SEZ6L: variants seen among roughly 807,000 people sequenced by gnomAD.
SEZ6L encodes seizure related 6 homolog like.
SEZ6L carries 37 observed loss-of-function variants against 106.2 expected under a neutral mutation model. The ratio of observed to expected loss-of-function variants is 0.35; its 90% CI spans 0.27 to 0.46. The LOEUF is 0.46. Among genes scored for constraint, SEZ6L ranks in the 20% least tolerant of loss-of-function variants. The probability of loss-of-function intolerance (pLI) is 1.00; values close to 1 mark genes in which losing one functional copy is unlikely to be tolerated. For synonymous variants in SEZ6L, 541 were observed against 570.4 expected, an observed-to-expected ratio of 0.95 and a Z score of 0.73; for missense variants, 1,172 against 1,332.8, an observed-to-expected ratio of 0.88 and a Z score of 1.88.
intron 1 of SEZ6L, among the ~76,000 whole-genome samples, chr22:26,270,303 C>G (rs1486167523): frequency 6.6e-6 from 1 of 152,144 alleles, no homozygotes; most frequent in Non-Finnish European, 1.5e-5. Context: ...TAACACTAGA[C>G]AAGTCACCTT....
intron 11 of SEZ6L, among the ~76,000 whole-genome samples, chr22:26,349,333 A>G (rs917452003): frequency 2.0e-5 from 3 of 152,250 alleles, no homozygotes; most frequent in South Asian, 2.1e-4. Context: ...AAAGACATAT[A>G]TAGCCATATC....
intron 9 of SEZ6L, among the ~76,000 whole-genome samples, chr22:26,314,459 G>GTT (rs1354728671): frequency 2.0e-5 from 3 of 152,230 alleles, no homozygotes; most frequent in Non-Finnish European, 4.4e-5. Flanking sequence ...CTGGACTACA[G>GTT]TTGTTTATTT....
chr22:26,326,059 C>T (rs867306520), intron 9 of SEZ6L, among the ~76,000 whole-genome samples: 46 of 152,196 alleles, frequency 3.0e-4, no homozygotes, highest in African/African-American at 9.7e-4. Context: ...CTTCCTCTCC[C>T]CCACGATTTG....
chr22:26,238,417 A>G (rs924447867), intron 1 of SEZ6L, among the ~76,000 whole-genome samples: 3 of 152,242 alleles, frequency 2.0e-5, no homozygotes, highest in African/African-American at 7.2e-5. Context: ...CCTCATGACA[A>G]GATGGCATTC....
chr22:26,322,238 G>A (rs1356930483), intron 9 of SEZ6L, among the ~76,000 whole-genome samples: 1 of 152,148 alleles, frequency 6.6e-6, no homozygotes, highest in African/African-American at 2.4e-5. Context: ...ACCACTTTAT[G>A]GGTTGGGTAT....
intron 14 of SEZ6L, 64 bp downstream of exon 14, chr22:26,373,547 A>C (rs2084115765): frequency 7.9e-7 from 1 of 1,265,890 alleles, no homozygotes; most frequent in Admixed American, 2.1e-5. Flanking sequence ...AAACAAGGGC[A>C]GGTCTTTGAA....
intron 11 of SEZ6L, among the ~76,000 whole-genome samples, chr22:26,348,646 A>AAGAAAG (rs1556371589): frequency 3.5e-3 from 27 of 7,686 alleles, no homozygotes; most frequent in South Asian, 0.015. Context: ...GAAAGAAAGA[A>AAGAAAG]AAAGAAAGAA....
chr22:26,261,469 C>T lies in SEZ6L; in HGVS notation c.95-30937C>T, dbSNP rs190825678. Among the ~76,000 whole-genome samples the T allele has an allele frequency of 2.7e-3, 416 of 152,306 alleles. 18 individuals are homozygous for T. Among genetic ancestry groups the T allele is most frequent in the Admixed American group, 0.027 (412 of 15,306 alleles). ...ACATGTGACTTGCCAATCATCCCAG[C>T]GCCATTTGTTGTGTAGGGTGTCCTT... On this transcript the variant is annotated intron_variant, in intron 1 of 16. Transcript: ENST00000248933.
intron 2 of SEZ6L, among the ~76,000 whole-genome samples, chr22:26,293,366 T>C (rs892415041): frequency 6.6e-6 from 1 of 152,248 alleles, no homozygotes; most frequent in African/African-American, 2.4e-5. Flanking sequence ...GGTCTTGATC[T>C]TTCGCCCAGG....
chr22:26,340,341 T>A, intron 9 of SEZ6L, 95 bp from the exon 10 acceptor site: 6 of 1,236,664 alleles, frequency 4.9e-6, no homozygotes, highest in Non-Finnish European at 5.7e-6. Context: ...CATACACACT[T>A]AACAAATTTT....
chr22:26,212,065 G>C (rs1238859188), intron 1 of SEZ6L, among the ~76,000 whole-genome samples: 6 of 152,118 alleles, frequency 3.9e-5, no homozygotes, highest in Non-Finnish European at 1.5e-5. Flanking sequence ...CTAACTAGGT[G>C]AAGGGGAGCA....
rs537105748 is a variant in SEZ6L at position 26,187,660 on chromosome 22, G to A, written c.94+17897G>A. Among the ~76,000 whole-genome samples, 22 of 152,280 alleles carry A rather than the reference G, an allele frequency of 1.4e-4. 1 individual carries two copies. In the South Asian group the frequency reaches 4.6e-3, roughly 32 times the overall value. On this transcript the variant is annotated intron_variant, in intron 1 of 16. Transcript: ENST00000248933. Reference sequence around the variant, plus strand: ...AATACAGAAAAAGCAGCAGAGAGGAGAGGAAAAGAATATAAATTTGGGCAA... The same window carrying A: ...AATACAGAAAAAGCAGCAGAGAGGAAAGGAAAAGAATATAAATTTGGGCAA...
chr22:26,349,505 TCATA>T, intron 11 of SEZ6L, among the ~76,000 whole-genome samples: 1 of 152,328 alleles, frequency 6.6e-6, no homozygotes, highest in African/African-American at 2.4e-5. Flanking sequence ...TACATGCACA[TCATA>T]CATACATTAC....
chr22:26,286,023 G>A (rs183097293), intron 1 of SEZ6L, among the ~76,000 whole-genome samples: 12 of 152,326 alleles, frequency 7.9e-5, no homozygotes, highest in Non-Finnish European at 7.3e-5. Context: ...ATCAAGGCAG[G>A]TTGGGCGAGT....
rs200131802 is a variant in SEZ6L at position 26,292,411 on chromosome 22, C to T, written c.100C>T (p.Leu34Phe). 1.8e-5 allele frequency: 29 copies of T among 1,610,754 alleles called. No individual in the cohort carries two copies. Among genetic ancestry groups the T allele is most frequent in the Non-Finnish European group, 2.3e-5 (27 of 1,178,228 alleles). ...SPAAALERDA[L>F]PEGDASPLGP... ...GTCTTTTCTCCTCTTCCAAGATGCT[C>T]TTCCCGAGGGAGATGCTAGCCCTTT... The change falls in exon 2 of 17, where the codon CTT becomes TTT. Residue 34 changes from leucine (L) to phenylalanine (F), a missense_variant. By Grantham distance (22) the Leu-to-Phe change is conservative. Coordinates refer to ENST00000248933, the MANE Select transcript of SEZ6L (RefSeq NM_021115.5).
intron 13 of SEZ6L, among the ~76,000 whole-genome samples, chr22:26,372,047 CTGTGTG>C (rs2084054445): frequency 6.6e-6 from 1 of 152,212 alleles, no homozygotes; most frequent in African/African-American, 2.4e-5. Flanking sequence ...TGTGGACCAC[CTGTGTG>C]ACCTTGAGTG....
At chr22:26,273,343 G>C (rs113468550) in intron 1 of SEZ6L, among the ~76,000 whole-genome samples, 21 of 152,364 alleles carry the variant, frequency 1.4e-4, no homozygotes, top group African/African-American at 4.8e-4. Context: ...CCTGCCGGGT[G>C]GGGAGCTGAC....
chr22:26,278,239 C>T (rs755482568), intron 1 of SEZ6L, among the ~76,000 whole-genome samples: 5 of 152,098 alleles, frequency 3.3e-5, no homozygotes, highest in Non-Finnish European at 5.9e-5. Flanking sequence ...GCAGGGCTTT[C>T]CTAACAGTTG....
chr22:26,300,201 C>T (rs1021405924), intron 5 of SEZ6L, among the ~76,000 whole-genome samples: 7 of 152,068 alleles, frequency 4.6e-5, no homozygotes, highest in South Asian at 4.1e-4. Context: ...ATGTGCACAA[C>T]GTGCAGGTTT....
Sources: allele counts gnomAD v4.1 joint callset (sites outside exome capture counted in the v4.1 genomes callset), GRCh38; gene constraint gnomAD v4.1.1; transcripts MANE v1.5; gene names NCBI Gene and HGNC (gene_info 2026-07-23, HGNC 2026-07-21).